The following GALNTL6 variants were observed in gnomAD, a reference collection of about 807,000 sequenced individuals.
The protein encoded by GALNTL6 is polypeptide N-acetylgalactosaminyltransferase like 6.
Under a neutral mutation model 73.7 loss-of-function variants are expected in GALNTL6, and 46 were observed. The observed-to-expected ratio is 0.62, with a 90% CI of 0.49 to 0.80. The LOEUF (loss-of-function observed/expected upper bound fraction) is 0.80, where lower values mean the gene tolerates loss of function less well. Ranked by LOEUF, GALNTL6 falls within the 30% of genes least tolerant of loss-of-function variation. The pLI is 0.00. For missense variants in GALNTL6, 604 were observed against 755.0 expected (o/e 0.80, Z 2.34); for synonymous variants, 259 against 263.7 (o/e 0.98, Z 0.17).
chr4:172,938,846 T>C (rs1169243274), intron 9 of GALNTL6, among the ~76,000 whole-genome samples: 1 of 152,262 alleles, frequency 6.6e-6, no homozygotes, highest in Middle Eastern at 3.2e-3. Flanking sequence ...TGGCTAGGAC[T>C]TTTGTGCAGA....
intron 5 of GALNTL6, among the ~76,000 whole-genome samples, chr4:172,651,060 T>A (rs1740453899): frequency 6.6e-6 from 1 of 152,214 alleles, no homozygotes; most frequent in Non-Finnish European, 1.5e-5. Context: ...GAAAGACTTT[T>A]ACTTGATGAT....
chr4:172,643,346 G>C (rs1327157124), intron 5 of GALNTL6, among the ~76,000 whole-genome samples: 1 of 151,944 alleles, frequency 6.6e-6, no homozygotes, highest in Non-Finnish European at 1.5e-5. Context: ...GCTAAAATCA[G>C]TAACAGAATT....
At chr4:171,997,391 C>T (rs1244937265) in intron 2 of GALNTL6, among the ~76,000 whole-genome samples, 1 of 151,980 alleles carries the variant, frequency 6.6e-6, no homozygotes, top group Non-Finnish European at 1.5e-5. Context: ...GGGGTTATGT[C>T]CTGATAAACC....
rs536184569 is a variant in GALNTL6 at position 172,050,950 on chromosome 4, T to A, written c.139-178706T>A. Among the ~76,000 whole-genome samples the A allele has an allele frequency of 1.9e-4, 29 of 152,320 alleles. No individual in the cohort carries two copies. The South Asian group carries it at 5.8e-3, about 30-fold the overall frequency. ...AAAGTATGGTTATCATCAGGGTCAC[T>A]AATGTGTATAATGAATTTATTCTTG... On this transcript the variant is annotated intron_variant, in intron 2 of 12. Coordinates refer to ENST00000506823, the MANE Select transcript of GALNTL6 (RefSeq NM_001034845.3).
At chr4:172,691,402 A>G (rs1322972659) in intron 5 of GALNTL6, among the ~76,000 whole-genome samples, 1 of 152,196 alleles carries the variant, frequency 6.6e-6, no homozygotes, top group Non-Finnish European at 1.5e-5. Flanking sequence ...GGCCCTGATT[A>G]AGTATTGCAC....
At chr4:172,907,694 G>A (rs548885483) in intron 8 of GALNTL6, among the ~76,000 whole-genome samples, 2 of 152,302 alleles carry the variant, frequency 1.3e-5, no homozygotes, top group South Asian at 2.1e-4. Context: ...GTCCACAAAT[G>A]TAATGCCTTT....
At chr4:172,476,030 C>G (rs1418182341) in intron 5 of GALNTL6, among the ~76,000 whole-genome samples, 2 of 152,226 alleles carry the variant, frequency 1.3e-5, no homozygotes, top group Non-Finnish European at 2.9e-5. Flanking sequence ...GGCAGCAGCT[C>G]CTCAAGCACC....
intron 5 of GALNTL6, among the ~76,000 whole-genome samples, chr4:172,702,825 GT>G (rs71592092): frequency 2.0e-5 from 3 of 151,306 alleles, no homozygotes; most frequent in Admixed American, 6.6e-5. Flanking sequence ...ACACTTTATA[GT>G]TTTTTTTGTC....
At chr4:172,238,831 A>G (rs1414276297) in intron 3 of GALNTL6, among the ~76,000 whole-genome samples, 1 of 152,106 alleles carries the variant, frequency 6.6e-6, no homozygotes, top group Non-Finnish European at 1.5e-5. Flanking sequence ...ATTTTATTGA[A>G]AGCATTTTCT....
chr4:172,370,502 G>C (rs941912061), intron 5 of GALNTL6, among the ~76,000 whole-genome samples: 2 of 151,540 alleles, frequency 1.3e-5, no homozygotes, highest in Admixed American at 1.3e-4. Context: ...TTGGTGGTGG[G>C]CGCCTGTAGT....
At chr4:172,436,819 A>G (rs1005666055) in intron 5 of GALNTL6, among the ~76,000 whole-genome samples, 1 of 152,070 alleles carries the variant, frequency 6.6e-6, no homozygotes, top group African/African-American at 2.4e-5. Flanking sequence ...CTCCTCCTTT[A>G]TTCAACTTTA....
At chr4:172,036,036 C>A (rs1741920565) in intron 2 of GALNTL6, among the ~76,000 whole-genome samples, 1 of 151,970 alleles carries the variant, frequency 6.6e-6, no homozygotes, top group Non-Finnish European at 1.5e-5. Context: ...ATTTTGTTAA[C>A]CCCAGACATT....
chr4:172,484,373 C>G (rs1420725198), intron 5 of GALNTL6, among the ~76,000 whole-genome samples: 1 of 152,106 alleles, frequency 6.6e-6, no homozygotes, highest in Non-Finnish European at 1.5e-5. Context: ...AATATAATAG[C>G]ACCTGTTTGG....
chr4:171,916,256 GA>G lies in GALNTL6; in HGVS notation c.138+101547del, dbSNP rs953832306. 1.7e-3 allele frequency among the ~76,000 whole-genome samples: 256 copies of G among 150,084 alleles called. 1 individual carries two copies. Among genetic ancestry groups the G allele is most frequent in the Admixed American group, 0.01 (154 of 15,010 alleles). On this transcript the variant is annotated intron_variant, in intron 2 of 12. Transcript: ENST00000506823. ...CTAAAATATCTAGAAAAGAGATGCT[GA>G]AAAAAAAAGCAAATACTTTGCAGAC...
intron 5 of GALNTL6, among the ~76,000 whole-genome samples, chr4:172,559,932 A>C (rs1736292159): frequency 6.6e-6 from 1 of 152,248 alleles, no homozygotes; most frequent in Non-Finnish European, 1.5e-5. Context: ...TTACATAAGA[A>C]ATAAATTTTG....
chr4:172,403,396 G>A (rs997279379), intron 5 of GALNTL6, among the ~76,000 whole-genome samples: 9 of 151,976 alleles, frequency 5.9e-5, no homozygotes, highest in Non-Finnish European at 1.0e-4. Flanking sequence ...ATATTTGGCC[G>A]TACATGCCAT....
At chr4:172,337,724 T>C (rs555419809) in intron 4 of GALNTL6, among the ~76,000 whole-genome samples, 66 of 151,198 alleles carry the variant, frequency 4.4e-4, no homozygotes, top group Non-Finnish European at 8.9e-4. Flanking sequence ...AGTGTTGACC[T>C]TGATCAGTCT....
chr4:172,397,988 A>G (rs760312566), intron 5 of GALNTL6, among the ~76,000 whole-genome samples: 21 of 151,694 alleles, frequency 1.4e-4, no homozygotes, highest in Non-Finnish European at 2.4e-4. Flanking sequence ...TGGATTCTTT[A>G]TTATTCTTAA....
chr4:172,016,071 A>T (rs1175357940), intron 2 of GALNTL6, among the ~76,000 whole-genome samples: 1 of 151,128 alleles, frequency 6.6e-6, no homozygotes, highest in Non-Finnish European at 1.5e-5. Flanking sequence ...TGACTTTCCC[A>T]GGAGTTCTTT....
Sources: allele counts gnomAD v4.1 joint callset (sites outside exome capture counted in the v4.1 genomes callset), GRCh38; gene constraint gnomAD v4.1.1; transcripts MANE v1.5; gene names NCBI Gene and HGNC (gene_info 2026-07-23, HGNC 2026-07-21).